The following WDR89 variants were observed in gnomAD, a reference collection of about 807,000 sequenced individuals.
WDR89 encodes WD repeat domain 89.
Under a neutral mutation model 29.1 loss-of-function variants are expected in WDR89, and 17 were observed. The ratio of observed to expected loss-of-function variants is 0.58; its 90% CI spans 0.40 to 0.88. WDR89 has a LOEUF of 0.88. Ranked by LOEUF, WDR89 falls within the 40% of genes least tolerant of loss-of-function variation. The pLI is 0.00. For missense variants in WDR89, 396 were observed against 456.3 expected (o/e 0.87, Z 1.20); for synonymous variants, 138 against 157.8 (o/e 0.87, Z 0.94).
intron 1 of WDR89, among the ~76,000 whole-genome samples, chr14:63,636,583 A>C (rs1883753554): frequency 6.6e-6 from 1 of 152,212 alleles, no homozygotes; most frequent in African/African-American, 2.4e-5. Context: ...GACCAATGGA[A>C]CAGAATAGAG....
At chr14:63,609,110 CA>C (rs879421241) in intron 2 of WDR89, among the ~76,000 whole-genome samples, 41 of 134,802 alleles carry the variant, frequency 3.0e-4, no homozygotes, top group African/African-American at 6.5e-4. Context: ...AACTCCATCT[CA>C]AAAAAAAAAA....
intron 2 of WDR89, among the ~76,000 whole-genome samples, chr14:63,616,774 C>A (rs1027978816): frequency 2.6e-5 from 4 of 152,190 alleles, no homozygotes; most frequent in African/African-American, 9.7e-5. Flanking sequence ...CCACTGTAGG[C>A]TGAGAGCAGG....
At chr14:63,607,139 A>G (rs926318662) in intron 2 of WDR89, among the ~76,000 whole-genome samples, 1 of 152,134 alleles carries the variant, frequency 6.6e-6, no homozygotes, top group Non-Finnish European at 1.5e-5. Context: ...CTTTACTTTT[A>G]ATTTTTCATG....
intron 1 of WDR89, among the ~76,000 whole-genome samples, chr14:63,632,313 T>G (rs1456679960): frequency 6.6e-6 from 1 of 151,704 alleles, no homozygotes; most frequent in Non-Finnish European, 1.5e-5. Flanking sequence ...GTTATCAGAC[T>G]ATAGGAAGTA....
intron 2 of WDR89, among the ~76,000 whole-genome samples, chr14:63,612,891 G>A (rs1190309336): frequency 6.6e-6 from 1 of 152,146 alleles, no homozygotes; most frequent in Non-Finnish European, 1.5e-5. Context: ...GCCCGTAAGA[G>A]TGGAATATAC....
At chr14:63,612,295 G>A (rs577434204) in intron 2 of WDR89, among the ~76,000 whole-genome samples, 4 of 151,494 alleles carry the variant, frequency 2.6e-5, no homozygotes, top group Non-Finnish European at 5.9e-5. Context: ...CTTCCCCAAA[G>A]CAGTACTAAG....
chr14:63,627,188 CTAAA>C (rs1483437775), intron 1 of WDR89, among the ~76,000 whole-genome samples: 1 of 148,726 alleles, frequency 6.7e-6, no homozygotes, highest in Non-Finnish European at 1.5e-5. Context: ...TCTCTCCTCT[CTAAA>C]TGTTAAACTT....
chr14:63,619,216 G>A (rs1207316207), intron 2 of WDR89, among the ~76,000 whole-genome samples: 4 of 152,236 alleles, frequency 2.6e-5, no homozygotes, highest in Non-Finnish European at 5.9e-5. Context: ...CAGGCCTGAC[G>A]CTAAGCACAA....
Position 63,597,328 on chromosome 14 carries a change from C to T in WDR89, c.*1451G>A, listed in dbSNP as rs1009678752. 1 of 152,162 alleles carries T rather than the reference C, an allele frequency of 6.6e-6. No individual in the cohort carries two copies. Among genetic ancestry groups the T allele is most frequent in the Non-Finnish European group, 1.5e-5 (1 of 68,030 alleles). The allele number at this position is 152,162 out of a possible 1,614,324, so 9.4% of individuals were successfully genotyped here. ...CATGGGGATTATGGGGATTACAATTCGAGATGAAATTTGGGTGAGGACACA... is the reference window on the plus strand; with the variant it reads ...CATGGGGATTATGGGGATTACAATTTGAGATGAAATTTGGGTGAGGACACA... On this transcript the variant is annotated 3_prime_UTR_variant, in exon 3 of 3. Coordinates refer to ENST00000620954, the MANE Select transcript of WDR89 (RefSeq NM_080666.4).
intron 2 of WDR89, among the ~76,000 whole-genome samples, chr14:63,612,954 T>C (rs944052157): frequency 6.6e-5 from 10 of 152,164 alleles, no homozygotes; most frequent in African/African-American, 2.4e-4. Context: ...GGATCTCAGA[T>C]GAAAGGACAG....
intron 2 of WDR89, among the ~76,000 whole-genome samples, chr14:63,622,217 C>T (rs1461381424): frequency 1.3e-5 from 2 of 151,976 alleles, no homozygotes; most frequent in African/African-American, 4.8e-5. Flanking sequence ...GGTGGATCAC[C>T]TGAGGTCAGG....
At chr14:63,632,838 A>G (rs975567622) in intron 1 of WDR89, among the ~76,000 whole-genome samples, 3 of 152,206 alleles carry the variant, frequency 2.0e-5, no homozygotes, top group Admixed American at 1.3e-4. Flanking sequence ...CTCGGTTACC[A>G]TGTCAGCCTC....
At chr14:63,613,322 GA>G (rs33980365) in intron 2 of WDR89, among the ~76,000 whole-genome samples, 13,618 of 151,802 alleles carry the variant, frequency 0.09, 1,252 homozygotes, top group African/African-American at 0.23. Flanking sequence ...GGACAAGTGA[GA>G]AAAAAACCCA....
chr14:63,624,576 A>G (rs968112835), intron 2 of WDR89, among the ~76,000 whole-genome samples: 10 of 152,092 alleles, frequency 6.6e-5, no homozygotes, highest in Admixed American at 6.6e-4. Flanking sequence ...ACCATCTGAT[A>G]AAGTTGCTAT....
chr14:63,632,317 G>C (rs928243738), intron 1 of WDR89, among the ~76,000 whole-genome samples: 2 of 151,880 alleles, frequency 1.3e-5, no homozygotes, highest in Non-Finnish European at 2.9e-5. Context: ...TCAGACTATA[G>C]GAAGTAGCAG....
rs368654685 is a variant in WDR89, at chr14:63,598,828, C to T, written c.1115G>A (p.Arg372Gln). Reference sequence around the variant, plus strand: ...AGAATCATTACTATGAACTCGTACTCGTTGGTGCACAGAGGATGCTATTTT... The same window carrying T: ...AGAATCATTACTATGAACTCGTACTTGTTGGTGCACAGAGGATGCTATTTT... ...SMKIASSVHQ[R>Q]VRVHSNDSYK... is the part of the protein sequence containing the mutation. The change falls in exon 3 of 3, where the codon CGA becomes CAA. Residue 372 changes from arginine to glutamine, a missense_variant. Arg to Gln is a conservative substitution (Grantham distance 43). Coordinates refer to ENST00000620954, the MANE Select transcript of WDR89 (RefSeq NM_080666.4). The T allele has an allele frequency of 9.3e-6, 15 of 1,611,124 alleles. No homozygotes were observed. Among genetic ancestry groups the T allele is most frequent in the Admixed American group, 5.1e-5 (3 of 59,378 alleles).
intron 2 of WDR89, among the ~76,000 whole-genome samples, chr14:63,622,186 G>A (rs1335364756): frequency 1.3e-5 from 2 of 152,208 alleles, no homozygotes. Flanking sequence ...TGTAATCCCA[G>A]CACTTTGGAA....
chr14:63,607,776 G>A (rs182215828), intron 2 of WDR89, among the ~76,000 whole-genome samples: 2 of 151,852 alleles, frequency 1.3e-5, no homozygotes, highest in East Asian at 3.9e-4. Flanking sequence ...AGCTACTTGG[G>A]AGGCTGAGGC....
At chr14:63,632,050 T>C (rs1883438451) in intron 1 of WDR89, among the ~76,000 whole-genome samples, 1 of 150,924 alleles carries the variant, frequency 6.6e-6, no homozygotes, top group Middle Eastern at 3.2e-3. Context: ...AGGTGAAGGC[T>C]GCAGTGAGCC....
Sources: allele counts gnomAD v4.1 joint callset (sites outside exome capture counted in the v4.1 genomes callset), GRCh38; gene constraint gnomAD v4.1.1; transcripts MANE v1.5; gene names NCBI Gene and HGNC (gene_info 2026-07-23, HGNC 2026-07-21).